Variants in DENND4C observed in about 807,000 individuals in gnomAD.
DENND4C encodes the protein DENN domain containing 4C, also known as DENN domain-containing protein 4C.
Under a neutral mutation model 203.0 loss-of-function variants are expected in DENND4C, and 108 were observed. The ratio of observed to expected loss-of-function variants is 0.53; its 90% CI spans 0.46 to 0.62. The LOEUF is 0.62. DENND4C is among the 20% of genes least tolerant of loss of function. DENND4C has a pLI of 0.00. For synonymous variants in DENND4C, 871 were observed against 792.4 expected (o/e 1.10, Z -1.67); for missense variants, 2,481 against 2,301.2 (o/e 1.08, Z -1.60).
intron 1 of DENND4C, among the ~76,000 whole-genome samples, chr9:19,252,515 A>G (rs1826883879): frequency 6.6e-6 from 1 of 152,158 alleles, no homozygotes; most frequent in Non-Finnish European, 1.5e-5. Flanking sequence ...CCAGGAGTCT[A>G]AGGCTGTGGT....
intron 2 of DENND4C, among the ~76,000 whole-genome samples, chr9:19,280,345 C>T (rs186134680): frequency 2.0e-5 from 3 of 152,242 alleles, no homozygotes; most frequent in Non-Finnish European, 4.4e-5. Flanking sequence ...CGGGGTTTCA[C>T]CATGTTGGCC....
chr9:19,248,749 C>A (rs1159487525), intron 1 of DENND4C, among the ~76,000 whole-genome samples: 1 of 151,706 alleles, frequency 6.6e-6, no homozygotes, highest in Non-Finnish European at 1.5e-5. Flanking sequence ...AAAAATAGGC[C>A]CCTCCCTTCC....
intron 1 of DENND4C, among the ~76,000 whole-genome samples, chr9:19,238,453 CCTCCCCTCCCCTCCCT>C (rs1238410520): frequency 3.1e-5 from 2 of 63,722 alleles, no homozygotes; most frequent in African/African-American, 7.1e-5. Context: ...CTTTCCTTCC[CCTCCCCTCCCCTCCCT>C]CTCCCCTCCC....
intron 1 of DENND4C, among the ~76,000 whole-genome samples, chr9:19,257,718 T>G (rs773908581): frequency 6.6e-6 from 1 of 152,192 alleles, no homozygotes; most frequent in Non-Finnish European, 1.5e-5. Context: ...CACTACATAT[T>G]CTAAAGACAC....
Position 19,336,671 on chromosome 9 carries a change from T to C in DENND4C, c.2735-15T>C. Reference sequence around the variant, plus strand: ...AATGCATGAGTTATTGAACTGCTATTGTCCTTATCTTTAGCTCTTCAAAAT... The same window carrying C: ...AATGCATGAGTTATTGAACTGCTATCGTCCTTATCTTTAGCTCTTCAAAAT... On this transcript the variant is annotated splice_polypyrimidine_tract_variant and intron_variant, in intron 19 of 32. Coordinates refer to ENST00000434457, the MANE Select transcript of DENND4C (RefSeq NM_001330640.2). 2 of 1,549,592 alleles carry C rather than the reference T, an allele frequency of 1.3e-6. No homozygotes were observed. Among genetic ancestry groups the C allele is most frequent in the African/African-American group, 1.4e-5 (1 of 73,126 alleles).
chr9:19,306,940 C>A (rs916878214), intron 10 of DENND4C, among the ~76,000 whole-genome samples: 1 of 151,816 alleles, frequency 6.6e-6, no homozygotes, highest in African/African-American at 2.4e-5. Context: ...TGCCACCACA[C>A]CTGGCTAATT....
intron 1 of DENND4C, among the ~76,000 whole-genome samples, chr9:19,234,744 T>C (rs1039619204): frequency 6.6e-6 from 1 of 151,776 alleles, no homozygotes; most frequent in African/African-American, 2.4e-5. Flanking sequence ...CGTTTTGCCA[T>C]ATTGCCCAGG....
At chr9:19,283,069 T>C (rs1834447602) in intron 2 of DENND4C, among the ~76,000 whole-genome samples, 1 of 152,142 alleles carries the variant, frequency 6.6e-6, no homozygotes, top group Non-Finnish European at 1.5e-5. Context: ...GGTCCTCCTA[T>C]GTTGCCCAGG....
intron 1 of DENND4C, among the ~76,000 whole-genome samples, chr9:19,234,063 A>G (rs1005204134): frequency 6.6e-6 from 1 of 152,142 alleles, no homozygotes; most frequent in Admixed American, 6.6e-5. Flanking sequence ...TCCGTGATTA[A>G]TGTTAATATA....
intron 1 of DENND4C, among the ~76,000 whole-genome samples, chr9:19,261,135 T>G (rs1564096071): frequency 6.6e-6 from 1 of 152,160 alleles, no homozygotes; most frequent in Non-Finnish European, 1.5e-5. Context: ...CCTCAATGTC[T>G]GTTCCTACCA....
rs755755643 is a variant in DENND4C, at chr9:19,289,676, A to G, written c.628+1011A>G. On this transcript the variant is annotated intron_variant, in intron 4 of 32. Transcript: ENST00000434457. Reference sequence around the variant, plus strand: ...AAACCCCGTCTCTACTAAAAATACAAAAATTAGCCAGGCGTGGTGGCACGC... The same window carrying G: ...AAACCCCGTCTCTACTAAAAATACAGAAATTAGCCAGGCGTGGTGGCACGC... Among the ~76,000 whole-genome samples, 26 of 152,152 alleles carry G rather than the reference A, an allele frequency of 1.7e-4. No individual in the cohort carries two copies. In the South Asian group the frequency reaches 5.0e-3, roughly 29 times the overall value.
chr9:19,282,637 C>G (rs1475243163), intron 2 of DENND4C, among the ~76,000 whole-genome samples: 1 of 150,948 alleles, frequency 6.6e-6, no homozygotes, highest in Non-Finnish European at 1.5e-5. Flanking sequence ...GTGATCCAGC[C>G]TCAGCCTGCT....
Position 19,346,829 on chromosome 9 carries a change from AC to A in DENND4C, c.4061del (p.Thr1354IlefsTer37). 6.2e-7 allele frequency: 1 copy of A among 1,614,190 alleles called. No individual in the cohort carries two copies. The highest frequency in any genetic ancestry group is 8.5e-7 in the Non-Finnish European group (1 of 1,180,032). ...CTCACCTGCAGTGTCCAGGTCTAAA[AC>A]TTTTACTGGGCGTTTCAAGCAGCAA... ...KSSPAVSRSKTFTGRFKQQTP... is the reference protein window; with the variant it reads ...KSSPAVSRSKXFTGRFKQQTP... On this transcript the variant is annotated frameshift_variant, in exon 23 of 33. Coordinates refer to ENST00000434457, the MANE Select transcript of DENND4C (RefSeq NM_001330640.2). LOFTEE classifies it high-confidence loss of function.
intron 2 of DENND4C, among the ~76,000 whole-genome samples, chr9:19,278,439 C>T (rs1411478284): frequency 3.9e-5 from 6 of 151,954 alleles, no homozygotes; most frequent in Non-Finnish European, 7.4e-5. Flanking sequence ...ACTGATTGTT[C>T]TCTTTATAGT....
In DENND4C at chr9:19,276,154, C is replaced by G. The variant is rs1832873878; in HGVS notation, c.-17-4C>G. The G allele has an allele frequency of 1.4e-5, 17 of 1,227,528 alleles. No individual in the cohort carries two copies. Among genetic ancestry groups the G allele is most frequent in the Non-Finnish European group, 1.6e-5 (16 of 983,928 alleles). 76.0% of individuals were successfully genotyped at this position (1,227,528 alleles called of 1,614,324 possible). A position where few individuals can be genotyped will look rare whatever the true frequency, so the allele number is the denominator to read the frequency against. ...TATTGGTATCTTTCCCCTCCCTCTT[C>G]TAGAAAATACAGTAGCAGCCATGAT... is the stretch of plus-strand genomic sequence containing the variant. On this transcript the variant is annotated splice_region_variant and splice_polypyrimidine_tract_variant and intron_variant, in intron 1 of 32. Transcript: ENST00000434457.
At chr9:19,335,254 T>A in intron 18 of DENND4C, 149 bp downstream of exon 18, 1 of 392,456 alleles carries the variant, frequency 2.5e-6, no homozygotes, top group Non-Finnish European at 4.1e-6. Context: ...TGACAAAAAG[T>A]ATATATATTT....
chr9:19,350,882 A>T lies in DENND4C; in HGVS notation c.4495+3A>T. On this transcript the variant is annotated splice_donor_region_variant and intron_variant, in intron 24 of 32. Coordinates refer to ENST00000434457, the MANE Select transcript of DENND4C (RefSeq NM_001330640.2). ...AGGAAAACTGCATTATCCAACAGGT[A>T]TGGGGAAGGATTATCCTTTCTTCAT... 1.2e-6 allele frequency: 2 copies of T among 1,603,462 alleles called. No homozygotes were observed. Among genetic ancestry groups the T allele is most frequent in the Non-Finnish European group, 1.7e-6 (2 of 1,175,128 alleles).
At chr9:19,304,879 A>G (rs1839361231) in intron 9 of DENND4C, among the ~76,000 whole-genome samples, 2 of 146,828 alleles carry the variant, frequency 1.4e-5, no homozygotes, top group Admixed American at 6.7e-5. Flanking sequence ...CTCTTTAATT[A>G]TCTGTTAGCA....
chr9:19,309,160 C>T (rs373392568), intron 10 of DENND4C, among the ~76,000 whole-genome samples: 2 of 152,086 alleles, frequency 1.3e-5, no homozygotes, highest in East Asian at 1.9e-4. Flanking sequence ...TGGTGGCTCA[C>T]GCCTGTAATC....
Sources: gnomAD v4.1 joint callset for allele counts (sites outside exome capture counted in the v4.1 genomes callset) on GRCh38, gnomAD v4.1.1 for gene constraint, MANE v1.5 for transcripts, NCBI Gene and HGNC (gene_info 2026-07-23, HGNC 2026-07-21) for gene names.